The following DUSP10 variants were observed in gnomAD, a reference collection of about 807,000 sequenced individuals.
The protein encoded by DUSP10 is dual specificity protein phosphatase 10.
Under a neutral mutation model 30.8 loss-of-function variants are expected in DUSP10, and 14 were observed. That is an observed-to-expected ratio of 0.46 (90% CI 0.30 to 0.71). The LOEUF is 0.71. Ranked by LOEUF, DUSP10 falls within the 30% of genes least tolerant of loss-of-function variation. The pLI is 0.08. For missense variants in DUSP10, 550 were observed against 619.4 expected, an observed-to-expected ratio of 0.89 and a Z score of 1.19; for synonymous variants, 254 against 250.4, an observed-to-expected ratio of 1.01 and a Z score of -0.14.
Position 221,722,730 on chromosome 1 carries a change from G to A in DUSP10, c.811+16204C>T, listed in dbSNP as rs575894752. Among the ~76,000 whole-genome samples, 4 of 152,280 alleles carry A rather than the reference G, an allele frequency of 2.6e-5. No individual in the cohort carries two copies. In the South Asian group the frequency reaches 8.3e-4, roughly 32 times the overall value. On this transcript the variant is annotated intron_variant, in intron 2 of 3. Transcript: ENST00000366899. The stretch of plus-strand genomic sequence containing the variant: ...AGGAGTCAACTTTCTAGGAGCTGGT[G>A]ACCTAAGAGGGCCTTGCAGAACATG...
intron 2 of DUSP10, among the ~76,000 whole-genome samples, chr1:221,725,195 G>A (rs1439113155): frequency 6.6e-6 from 1 of 152,058 alleles, no homozygotes; most frequent in African/African-American, 2.4e-5. Flanking sequence ...TCCACTCCCT[G>A]GAAAAAGCTC....
At chr1:221,709,299 T>C (rs1184806792) in intron 2 of DUSP10, among the ~76,000 whole-genome samples, 1 of 150,062 alleles carries the variant, frequency 6.7e-6, no homozygotes, top group Non-Finnish European at 1.5e-5. Flanking sequence ...GGCCTTCCAT[T>C]TGCCTAATGG....
chr1:221,720,881 T>C (rs1661262140), intron 2 of DUSP10, among the ~76,000 whole-genome samples: 1 of 152,224 alleles, frequency 6.6e-6, no homozygotes, highest in African/African-American at 2.4e-5. Flanking sequence ...AGAACACTTA[T>C]CGCTATCTGA....
chr1:221,725,572 C>A (rs940574858), intron 2 of DUSP10, among the ~76,000 whole-genome samples: 81 of 152,248 alleles, frequency 5.3e-4, no homozygotes, highest in African/African-American at 1.7e-3. Flanking sequence ...TATACTCAAC[C>A]AATTCACATA....
Position 221,702,907 on chromosome 1 carries a change from A to C in DUSP10, c.1184-230T>G, listed in dbSNP as rs1318186769. Among the ~76,000 whole-genome samples, 4 of 152,230 alleles carry C rather than the reference A, an allele frequency of 2.6e-5. No individual in the cohort carries two copies. On this transcript the variant is annotated intron_variant, in intron 3 of 3. Transcript: ENST00000366899. The surrounding 1 kb of genome is among the most constrained non-coding windows in gnomAD (Gnocchi z 4.5). ...AACAAGAAGCTATACATCTACATTTAAAGAGAAGATTAAATGAAAGAATTG... is the reference window on the plus strand; with the variant it reads ...AACAAGAAGCTATACATCTACATTTCAAGAGAAGATTAAATGAAAGAATTG...
chr1:221,718,397 AC>A (rs1661180089), intron 2 of DUSP10, among the ~76,000 whole-genome samples: 2 of 152,086 alleles, frequency 1.3e-5, no homozygotes, highest in African/African-American at 2.4e-5. Flanking sequence ...TTAGGGCTCC[AC>A]CTTTTTTGCT....
chr1:221,706,262 T>C lies in DUSP10; in HGVS notation c.1016A>G (p.Asp339Gly). Reference sequence around the variant, plus strand: ...GTTCAGCCGCTGCATGGTGTCCAGGTCCTGAGCATCCTGCTCATTGCCAAG... The same window carrying C: ...GTTCAGCCGCTGCATGGTGTCCAGGCCCTGAGCATCCTGCTCATTGCCAAG... ...LFLGNEQDAQ[D>G]LDTMQRLNIG... Residue 339 changes from aspartate (D) to glycine (G), a missense_variant, in exon 3 of 4, where the codon GAC becomes GGC. Physicochemically the swap from Asp to Gly is moderately conservative, Grantham distance 94. Transcript: ENST00000366899. The surrounding 1 kb of genome is among the most constrained non-coding windows in gnomAD (Gnocchi z 4.6). 6.2e-7 allele frequency: 1 copy of C among 1,614,158 alleles called. No individual in the cohort carries two copies. The highest frequency in any genetic ancestry group is 8.5e-7 in the Non-Finnish European group (1 of 1,180,018).
At chr1:221,734,432 T>C (rs1185853019) in intron 2 of DUSP10, among the ~76,000 whole-genome samples, 1 of 152,248 alleles carries the variant, frequency 6.6e-6, no homozygotes, top group African/African-American at 2.4e-5. Context: ...TTATTTGTAC[T>C]CCTTAGGAAC....
At chr1:221,728,890 TATC>T (rs752632730) in intron 2 of DUSP10, among the ~76,000 whole-genome samples, 3 of 152,178 alleles carry the variant, frequency 2.0e-5, no homozygotes, top group Non-Finnish European at 4.4e-5. Flanking sequence ...AAGCAGGAAA[TATC>T]ATCCTTCTAT....
At chr1:221,718,010 T>G (rs982292) in intron 2 of DUSP10, among the ~76,000 whole-genome samples, 95,086 of 150,500 alleles carry the variant, frequency 0.63, 30,723 homozygotes, top group African/African-American at 0.77. Context: ...CTTGTGGGCT[T>G]CCTGAGAACA....
chr1:221,728,655 G>C (rs1351757521), intron 2 of DUSP10, among the ~76,000 whole-genome samples: 1 of 152,140 alleles, frequency 6.6e-6, no homozygotes, highest in African/African-American at 2.4e-5. Context: ...ACCTACTTGA[G>C]GGAAAACAAT....
intron 3 of DUSP10, among the ~76,000 whole-genome samples, chr1:221,703,511 G>A (rs1252988072): frequency 6.6e-6 from 1 of 152,200 alleles, no homozygotes; most frequent in Non-Finnish European, 1.5e-5. Context: ...AAGGCTAGTA[G>A]TATACAGGCC....
chr1:221,739,532 C>T lies in DUSP10; in HGVS notation c.213G>A (p.Leu71=). The T allele has an allele frequency of 1.9e-6, 3 of 1,614,176 alleles. No individual in the cohort carries two copies. The highest frequency in any genetic ancestry group is 2.5e-6 in the Non-Finnish European group (3 of 1,180,040). ...MPSSSGSARS[L]NCGCSSASCC... ...AGCTGGCACTGCTGCATCCACAATT[C>T]AGCGAGCGGGCAGAGCCGCTGGATG... Residue 71 remains leucine, a synonymous_variant, in exon 2 of 4, where the codon CTG becomes CTA. Coordinates refer to ENST00000366899, the MANE Select transcript of DUSP10 (RefSeq NM_007207.6).
chr1:221,715,733 A>G (rs1381875776), intron 2 of DUSP10, among the ~76,000 whole-genome samples: 1 of 152,200 alleles, frequency 6.6e-6, no homozygotes, highest in African/African-American at 2.4e-5. Flanking sequence ...AAAGACAACA[A>G]TTAAACAGCT....
chr1:221,731,622 C>T (rs6685347), intron 2 of DUSP10, among the ~76,000 whole-genome samples: 12,472 of 89,286 alleles, frequency 0.14, 29 homozygotes, highest in East Asian at 0.2. Context: ...TTTTTTTTTT[C>T]TTTTTTTGCG....
At chr1:221,710,617 A>G (rs1025719641) in intron 2 of DUSP10, among the ~76,000 whole-genome samples, 2 of 152,222 alleles carry the variant, frequency 1.3e-5, no homozygotes, top group African/African-American at 2.4e-5. Flanking sequence ...TTATTTAACA[A>G]AAAAGAATTA....
intron 2 of DUSP10, among the ~76,000 whole-genome samples, chr1:221,714,423 A>C (rs1297562610): frequency 1.3e-5 from 2 of 152,222 alleles, no homozygotes; most frequent in Non-Finnish European, 2.9e-5. Flanking sequence ...ATTACCTGCG[A>C]CTAGACATGT....
At chr1:221,709,002 TA>T (rs58346899) in intron 2 of DUSP10, among the ~76,000 whole-genome samples, 228 of 139,836 alleles carry the variant, frequency 1.6e-3, no homozygotes, top group East Asian at 2.3e-3. Flanking sequence ...GCAGCTAGTT[TA>T]AAAAAAAAAA....
At position 221,739,015 on chromosome 1, in the gene DUSP10, T is replaced by C. The variant is rs1480595584; in HGVS notation, c.730A>G (p.Ser244Gly). The C allele has an allele frequency of 6.2e-7, 1 of 1,614,068 alleles. No homozygotes were observed. Among genetic ancestry groups the C allele is most frequent in the Non-Finnish European group, 8.5e-7 (1 of 1,180,020 alleles). ...AGTGGCTGGGAGGGCATCACTCGGC[T>C]TGGTTCATTGGTATTCTCATCATAA... ...IVYDENTNEP[S>G]RVMPSQPLHI... Residue 244 changes from serine to glycine, a missense_variant, in exon 2 of 4, where the codon AGC (serine) becomes GGC (glycine). Physicochemically the swap from Ser to Gly is moderately conservative, Grantham distance 56 (BLOSUM62 0). Transcript: ENST00000366899.
Sources: gnomAD v4.1 joint callset for allele counts (sites outside exome capture counted in the v4.1 genomes callset) on GRCh38, gnomAD v4.1.1 for gene constraint, Gnocchi (gnomAD v3.1) non-coding constraint, MANE v1.5 for transcripts, NCBI Gene and HGNC (gene_info 2026-07-23, HGNC 2026-07-21) for gene names.